The following UROS variants were observed in gnomAD, a reference collection of about 807,000 sequenced individuals.
UROS encodes the protein uroporphyrinogen-III synthase.
Under a neutral mutation model 33.0 loss-of-function variants are expected in UROS, and 18 were observed. That is an observed-to-expected ratio of 0.55 (90% confidence interval 0.38 to 0.81). UROS has a LOEUF of 0.81. Ranked by LOEUF, UROS falls within the 30% of genes least tolerant of loss-of-function variation. The probability of loss-of-function intolerance (pLI) is 0.00; values close to 1 mark genes in which losing one functional copy is unlikely to be tolerated. For missense variants in UROS, 293 were observed against 314.9 expected, an observed-to-expected ratio of 0.93 and a Z score of 0.53; for synonymous variants, 114 against 121.1, an observed-to-expected ratio of 0.94 and a Z score of 0.38.
At chr10:125,794,464 C>A (rs1851180630) in intron 9 of UROS, 4 of 659,054 alleles carry the variant, frequency 6.1e-6, no homozygotes, top group Non-Finnish European at 7.9e-6. Context: ...GAATGTAAAC[C>A]CTTTAAAAGA....
intron 6 of UROS, 96 bp from the exon 7 acceptor site, chr10:125,798,241 T>G (rs189487958): frequency 7.8e-7 from 1 of 1,275,786 alleles, no homozygotes; most frequent in Admixed American, 1.8e-5. Context: ...GAAGCAGCCC[T>G]GGGCTCCAGG....
chr10:125,810,739 G>A (rs1852733130), intron 5 of UROS, among the ~76,000 whole-genome samples: 1 of 152,158 alleles, frequency 6.6e-6, no homozygotes, highest in Admixed American at 6.5e-5. Flanking sequence ...TTCAAGCAAT[G>A]CCTTGTCCCT....
chr10:125,820,613 C>T (rs1313174653), intron 1 of UROS, among the ~76,000 whole-genome samples: 1 of 152,198 alleles, frequency 6.6e-6, no homozygotes, highest in Non-Finnish European at 1.5e-5. Flanking sequence ...AAGTAACTAT[C>T]ACACTGGGCT....
chr10:125,785,998 C>T (rs796664932), downstream of UROS, among the ~76,000 whole-genome samples: 56 of 152,298 alleles, frequency 3.7e-4, no homozygotes, highest in African/African-American at 1.3e-3. Context: ...GGCCACCCAG[C>T]CTGCTGGGGC....
rs547132051 is a variant in UROS at position 125,808,072 on chromosome 10, G to A, written c.320-585C>T. 2.0e-5 allele frequency among the ~76,000 whole-genome samples: 3 copies of A among 152,318 alleles called. No homozygotes were observed. The East Asian group carries it at 5.8e-4, about 29-fold the overall frequency. ...AAATACAAGTCATTTAGGATGAGGG[G>A]CTATACCAGCACTTTTGTGAGATCC... On this transcript the variant is annotated intron_variant, in intron 5 of 9. Transcript: ENST00000368797.
intron 6 of UROS, chr10:125,802,505 A>G (rs2133869865): frequency 2.0e-6 from 2 of 989,210 alleles, no homozygotes; most frequent in East Asian, 1.1e-4. Context: ...TGCTCTTTGA[A>G]TTGGCCTCCA....
intron 9 of UROS, chr10:125,794,283 C>G (rs1028110259): frequency 4.1e-6 from 4 of 978,448 alleles, no homozygotes; most frequent in Non-Finnish European, 4.9e-6. Flanking sequence ...GCAGGTGAAG[C>G]CTTTTGCTCT....
At position 125,800,459 on chromosome 10, in the gene UROS, AG is replaced by A. The variant is rs1345716394; in HGVS notation, c.395-2315del. On this transcript the variant is annotated intron_variant, in intron 6 of 9. Transcript: ENST00000368797. ...GGATTCGCACCTTACGCAGGGGAGG[AG>A]CCTGGCCTCATCAGCTCATGTGTGG... Among the ~76,000 whole-genome samples the A allele has an allele frequency of 3.3e-5, 5 of 152,116 alleles. No individual in the cohort carries two copies. The South Asian group carries it at 1.0e-3, about 32-fold the overall frequency.
At chr10:125,802,837 T>C in intron 6 of UROS, 4 of 1,491,262 alleles carry the variant, frequency 2.7e-6, no homozygotes, top group Non-Finnish European at 3.6e-6. Flanking sequence ...GGAGATGAGT[T>C]GAGGTCAGGA....
chr10:125,790,783 C>CA (rs368264390), intron 9 of UROS, among the ~76,000 whole-genome samples: 9,799 of 122,488 alleles, frequency 0.08, 759 homozygotes, highest in African/African-American at 0.21. Flanking sequence ...AACTCCATCT[C>CA]AAAAAAAAAA....
chr10:125,797,505 T>G (rs917739814), intron 7 of UROS, among the ~76,000 whole-genome samples: 1 of 152,226 alleles, frequency 6.6e-6, no homozygotes, highest in African/African-American at 2.4e-5. Flanking sequence ...TGATAGACTT[T>G]GCTCCCAGAC....
In UROS at chr10:125,821,853, G is replaced by T. The variant is rs371412823; in HGVS notation, c.-27+1176C>A. Among the ~76,000 whole-genome samples the T allele has an allele frequency of 4.1e-4, 62 of 152,256 alleles. 2 individuals are homozygous for T. The South Asian group carries it at 0.013, about 31-fold the overall frequency. On this transcript the variant is annotated intron_variant, in intron 1 of 9. Transcript: ENST00000368797. ...CATTTCAAGCTGCCCCATCAGATGT[G>T]GAGCGCTGATGTGTAAGTATTACTT...
chr10:125,819,937 C>T lies in UROS; in HGVS notation c.-27+3092G>A, dbSNP rs139070092. On this transcript the variant is annotated intron_variant, in intron 1 of 9. Transcript: ENST00000368797. ...TCTAATGCTTGCTCTGCCATTTTAC[C>T]CTCATACTTATGTTCATCAATCATT... 7.9e-4 allele frequency: 120 copies of T among 151,960 alleles called. 1 individual carries two copies. The highest frequency in any genetic ancestry group is 2.7e-3 in the African/African-American group (112 of 41,394). 9.4% of individuals were successfully genotyped at this position (151,960 alleles called of 1,614,324 possible). A position where few individuals can be genotyped will look rare whatever the true frequency, so the allele number is the denominator to read the frequency against.
At chr10:125,790,833 G>A (rs1850874854) in intron 9 of UROS, among the ~76,000 whole-genome samples, 1 of 148,838 alleles carries the variant, frequency 6.7e-6, no homozygotes, top group Admixed American at 6.8e-5. Flanking sequence ...GCTCATGCCT[G>A]TAATACCAAC....
intron 6 of UROS, among the ~76,000 whole-genome samples, chr10:125,804,136 C>A (rs1038790805): frequency 6.6e-6 from 1 of 152,118 alleles, no homozygotes; most frequent in Non-Finnish European, 1.5e-5. Flanking sequence ...GGTGGTGGCC[C>A]CTAGAAAGCT....
At chr10:125,804,155 G>C (rs899810698) in intron 6 of UROS, among the ~76,000 whole-genome samples, 1 of 152,172 alleles carries the variant, frequency 6.6e-6, no homozygotes, top group Non-Finnish European at 1.5e-5. Flanking sequence ...CTTCAGGATG[G>C]GGGCTGAAGG....
chr10:125,822,319 AT>A (rs544901269), intron 1 of UROS, among the ~76,000 whole-genome samples: 7,474 of 142,332 alleles, frequency 0.053, 260 homozygotes, highest in Non-Finnish European at 0.076. Flanking sequence ...GCCCCGAAGC[AT>A]TTTTTTTTTT....
At position 125,820,046 on chromosome 10, in the gene UROS, CTA is replaced by C. The variant is rs1853734520; in HGVS notation, c.-27+2981_-27+2982del. ...GAACCAAACCTCAAACCCGTACCTT[CTA>C]TGTCATGGTGTTCTGGGTATCAGCA... On this transcript the variant is annotated intron_variant, in intron 1 of 9. Coordinates refer to ENST00000368797, the MANE Select transcript of UROS (RefSeq NM_000375.3). Among the ~76,000 whole-genome samples the C allele has an allele frequency of 4.6e-5, 7 of 152,342 alleles. No homozygotes were observed. The South Asian group carries it at 1.5e-3, about 32-fold the overall frequency.
intron 8 of UROS, 57 bp from the exon 9 acceptor site, chr10:125,795,035 T>C: frequency 2.0e-6 from 3 of 1,492,164 alleles, no homozygotes; most frequent in Non-Finnish European, 2.8e-6. Context: ...AGAGACAACA[T>C]TCCTCCGGCT....
Sources: allele counts gnomAD v4.1 joint callset (sites outside exome capture counted in the v4.1 genomes callset), GRCh38; gene constraint gnomAD v4.1.1; transcripts MANE v1.5; gene names NCBI Gene and HGNC (gene_info 2026-07-23, HGNC 2026-07-21).